RAD51C: variants seen among roughly 807,000 people sequenced by gnomAD.
The protein encoded by RAD51C is RAD51 paralog C, also known as DNA repair protein RAD51 homolog 3.
In RAD51C, 42 loss-of-function variants were observed where a neutral mutation model predicts 45.0. That is an observed-to-expected ratio of 0.93 (90% CI 0.73 to 1.21). The LOEUF is 1.21. Among genes scored for constraint, RAD51C ranks in the 50% most tolerant of loss-of-function variants. The pLI, the probability that RAD51C is intolerant of heterozygous loss-of-function variation, is 0.00. For synonymous variants in RAD51C, 172 were observed against 159.8 expected (o/e 1.08, Z -0.58); for missense variants, 474 against 452.2 (o/e 1.05, Z -0.44).
chr17:58,694,078 G>A lies in RAD51C; in HGVS notation c.146-853G>A, dbSNP rs2047903870. The A allele has an allele frequency of 2.0e-5, 3 of 152,158 alleles. 1 individual carries two copies. In the South Asian group the frequency reaches 6.2e-4, roughly 32 times the overall value. The allele number at this position is 152,158 out of a possible 1,614,324, so 9.4% of individuals were successfully genotyped here. On this transcript the variant is annotated intron_variant, in intron 1 of 8. Coordinates refer to ENST00000337432, the MANE Select transcript of RAD51C (RefSeq NM_058216.3). ...AGATGGGTGAAATTGTGTAGTCGAG[G>A]AAGCATAAATGTATTCTTTAAAATG... is the stretch of plus-strand genomic sequence containing the variant.
intron 7 of RAD51C, among the ~76,000 whole-genome samples, chr17:58,731,258 G>GTT (rs77247264): frequency 8.4e-4 from 114 of 135,174 alleles, no homozygotes; most frequent in Non-Finnish European, 1.1e-3. Context: ...CTTAAAAGCA[G>GTT]TTTTTTTTTT....
chr17:58,706,660 C>T (rs895977963), intron 4 of RAD51C: 6 of 278,196 alleles, frequency 2.2e-5, no homozygotes, highest in Admixed American at 1.8e-4. Context: ...CCATTCTTTC[C>T]TTTTCTTGAG....
chr17:58,734,054 A>G (rs923155912), intron 8 of RAD51C, 64 bp from the exon 9 acceptor site: 4 of 1,552,560 alleles, frequency 2.6e-6, no homozygotes, highest in African/African-American at 1.4e-5. Flanking sequence ...ACTTAAAAAT[A>G]TTTCTAAGAT....
chr17:58,694,971 A>G lies in RAD51C; in HGVS notation c.186A>G (p.Gln62=), dbSNP rs28363303. The G allele has an allele frequency of 5.4e-4, 870 of 1,614,128 alleles. 6 individuals carry two copies. In the African/African-American group the frequency reaches 9.9e-3, roughly 18 times the overall value. The change falls in exon 2 of 9, where the codon CAA becomes CAG. Residue 62 remains glutamine, a synonymous_variant. Coordinates refer to ENST00000337432, the MANE Select transcript of RAD51C (RefSeq NM_058216.3). ...ISKAEALETL[Q]IIRRECLTNK... ...AAGCAGAAGCCTTAGAAACTCTGCA[A>G]ATTATCAGAAGAGAATGTCTCACAA...
At chr17:58,719,963 C>T (rs1777609583) in intron 5 of RAD51C, among the ~76,000 whole-genome samples, 1 of 150,874 alleles carries the variant, frequency 6.6e-6, no homozygotes, top group Admixed American at 6.6e-5. Flanking sequence ...CTCCTGACCT[C>T]GTGATCCGCT....
At chr17:58,699,982 T>A (rs2048156380) in intron 3 of RAD51C, 1 of 152,174 alleles carries the variant, frequency 6.6e-6, no homozygotes, top group Non-Finnish European at 1.5e-5. Flanking sequence ...CCTGAGTAGC[T>A]GGGAGCTGCG....
At chr17:58,698,038 G>C (rs181250936) in intron 3 of RAD51C, among the ~76,000 whole-genome samples, 1 of 150,886 alleles carries the variant, frequency 6.6e-6, no homozygotes, top group Non-Finnish European at 1.5e-5. Context: ...TTGAGACAGA[G>C]TCTTGCTCTG....
chr17:58,721,649 C>T (rs1429299687), intron 6 of RAD51C, among the ~76,000 whole-genome samples: 2 of 151,734 alleles, frequency 1.3e-5, no homozygotes. Context: ...ATCCCAGCTA[C>T]TTGGGAGGCT....
intron 5 of RAD51C, among the ~76,000 whole-genome samples, chr17:58,715,746 A>G (rs971035133): frequency 1.3e-5 from 2 of 152,160 alleles, no homozygotes; most frequent in African/African-American, 4.8e-5. Flanking sequence ...GTTGAAGGAC[A>G]TTGCATGGCA....
At chr17:58,693,060 TTAC>T (rs2047843370) in intron 1 of RAD51C, 1 of 470,726 alleles carries the variant, frequency 2.1e-6, no homozygotes, top group African/African-American at 2.0e-5. Context: ...CTCAACCCGC[TTAC>T]GTAGATTATT....
At chr17:58,711,838 T>C (rs1341156923) in intron 5 of RAD51C, among the ~76,000 whole-genome samples, 1 of 152,108 alleles carries the variant, frequency 6.6e-6, no homozygotes, top group Non-Finnish European at 1.5e-5. Context: ...ACTTTATAAT[T>C]TCTTTGCTTG....
Position 58,710,005 on chromosome 17 carries a change from G to GT in RAD51C, c.837+16dup. On this transcript the variant is annotated intron_variant, in intron 5 of 8. Transcript: ENST00000337432. ...ACAGATTAGCTGTAAGTATTAACTA[G>GT]TGAAGAGAGTTTTATAACAAAGTCA... The GT allele has an allele frequency of 6.2e-7, 1 of 1,605,864 alleles. No individual in the cohort carries two copies. The highest frequency in any genetic ancestry group is 1.1e-5 in the South Asian group (1 of 90,910).
At chr17:58,727,981 A>G (rs900736539) in intron 7 of RAD51C, among the ~76,000 whole-genome samples, 22 of 151,674 alleles carry the variant, frequency 1.5e-4, no homozygotes, top group African/African-American at 5.3e-4. Flanking sequence ...AGTGGCTGAC[A>G]CCTGTAATCC....
At chr17:58,709,287 C>G (rs1025965695) in intron 4 of RAD51C, among the ~76,000 whole-genome samples, 1 of 151,714 alleles carries the variant, frequency 6.6e-6, no homozygotes, top group Non-Finnish European at 1.5e-5. Flanking sequence ...CCATCTTGGC[C>G]AGGCTGGTCT....
chr17:58,702,180 G>T (rs1007497151), intron 3 of RAD51C, among the ~76,000 whole-genome samples: 4 of 151,820 alleles, frequency 2.6e-5, no homozygotes, highest in Admixed American at 2.6e-4. Context: ...ATTTTTTGCA[G>T]AGATGGGGTT....
rs747637997 is a variant in RAD51C at position 58,724,079 on chromosome 17, T to G, written c.944T>G (p.Phe315Cys). The change falls in exon 7 of 9, where the codon TTT becomes TGT. Residue 315 changes from phenylalanine (F) to cysteine (C), a missense_variant. Physicochemically the swap from Phe to Cys is radical, Grantham distance 205. Coordinates refer to ENST00000337432, the MANE Select transcript of RAD51C (RefSeq NM_058216.3). Reference protein sequence around the residue: ...WGHAATIRLIFHWDRKQRLAT... With the variant: ...WGHAATIRLICHWDRKQRLAT... ...CATGCTGCTACAATACGGCTAATCT[T>G]TCATTGGGACCGAAAGCAAAGGTCA... 1 of 1,613,220 alleles carries G rather than the reference T, an allele frequency of 6.2e-7. No individual in the cohort carries two copies. Among genetic ancestry groups the G allele is most frequent in the East Asian group, 2.2e-5 (1 of 44,850 alleles).
At chr17:58,706,614 A>G (rs1480737926) in intron 4 of RAD51C, 1 of 402,102 alleles carries the variant, frequency 2.5e-6, no homozygotes, top group Non-Finnish European at 5.2e-6. Context: ...TTATGGTAAG[A>G]GTGACAGCTC....
At chr17:58,724,813 A>G (rs960958821) in intron 7 of RAD51C, among the ~76,000 whole-genome samples, 1 of 152,188 alleles carries the variant, frequency 6.6e-6, no homozygotes, top group Non-Finnish European at 1.5e-5. Context: ...ATTAATTGGT[A>G]TAACCTAGAG....
At chr17:58,725,158 G>A (rs916618154) in intron 7 of RAD51C, among the ~76,000 whole-genome samples, 8 of 151,652 alleles carry the variant, frequency 5.3e-5, no homozygotes, top group African/African-American at 1.9e-4. Context: ...ATTGACTGTC[G>A]CCCCCTAATT....
Sources: allele counts gnomAD v4.1 joint callset (sites outside exome capture counted in the v4.1 genomes callset), GRCh38; gene constraint gnomAD v4.1.1; transcripts MANE v1.5; gene names NCBI Gene and HGNC (gene_info 2026-07-23, HGNC 2026-07-21).